Variants in TULP4 observed in about 807,000 individuals in gnomAD.
TULP4 encodes tubby-related protein 4.
TULP4 carries 16 observed loss-of-function variants against 129.0 expected under a neutral mutation model. That is an observed-to-expected ratio of 0.12 (90% CI 0.08 to 0.19). The LOEUF (loss-of-function observed/expected upper bound fraction) is 0.19. Among genes scored for constraint, TULP4 ranks in the 10% least tolerant of loss-of-function variants. TULP4 has a pLI of 1.00. For synonymous variants in TULP4, 998 were observed against 854.0 expected (o/e 1.17, Z -2.94); for missense variants, 1,842 against 2,059.1 (o/e 0.89, Z 2.04).
chr6:158,490,873 C>T (rs1359257083), intron 9 of TULP4, among the ~76,000 whole-genome samples: 4 of 151,832 alleles, frequency 2.6e-5, no homozygotes, highest in Non-Finnish European at 4.4e-5. Flanking sequence ...TTTATTGCTC[C>T]GTGGTATTCC....
intron 1 of TULP4, among the ~76,000 whole-genome samples, chr6:158,322,918 TG>T (rs888211968): frequency 6.6e-6 from 1 of 152,154 alleles, no homozygotes; most frequent in Non-Finnish European, 1.5e-5. Flanking sequence ...AGAGATTGTG[TG>T]GTGAAGATGA....
At chr6:158,365,868 CGTTTTTCTTTTTTT>C (rs1562536735) in intron 1 of TULP4, among the ~76,000 whole-genome samples, 1 of 111,414 alleles carries the variant, frequency 9.0e-6, no homozygotes, top group Non-Finnish European at 1.9e-5. Context: ...AGTTTTGGTT[CGTTTTTCTTTTTTT>C]TTTTTTCTTT....
intron 1 of TULP4, among the ~76,000 whole-genome samples, chr6:158,357,860 G>A (rs1025813129): frequency 1.3e-5 from 2 of 152,072 alleles, no homozygotes; most frequent in African/African-American, 4.8e-5. Flanking sequence ...GTTACGTGTC[G>A]TATTGAGAAA....
chr6:158,249,717 G>A (rs182798626), intron 1 of TULP4, among the ~76,000 whole-genome samples: 5 of 152,306 alleles, frequency 3.3e-5, no homozygotes, highest in African/African-American at 1.2e-4. Context: ...CTCTCATTCA[G>A]TTTTATCTTA....
Position 158,313,919 on chromosome 6 carries a change from A to G in TULP4, c.-98A>G. 6.9e-7 allele frequency: 1 copy of G among 1,443,876 alleles called. No individual in the cohort carries two copies. The highest frequency in any genetic ancestry group is 9.3e-7 in the Non-Finnish European group (1 of 1,079,234). 89.4% of individuals were successfully genotyped at this position (1,443,876 alleles called of 1,614,324 possible). ...AATTAAAGGGGGAAAAAAGCAACGCAAGCCAACCACAAAAACACATATACC... is the reference window on the plus strand; with the variant it reads ...AATTAAAGGGGGAAAAAAGCAACGCGAGCCAACCACAAAAACACATATACC... On this transcript the variant is annotated 5_prime_UTR_variant, in exon 1 of 14. Coordinates refer to ENST00000367097, the MANE Select transcript of TULP4 (RefSeq NM_020245.5).
intron 1 of TULP4, among the ~76,000 whole-genome samples, chr6:158,317,086 AC>A (rs1405830892): frequency 2.0e-5 from 3 of 152,148 alleles, no homozygotes; most frequent in African/African-American, 7.2e-5. Context: ...AATTCTGCCT[AC>A]CACAAAAGAG....
chr6:158,250,243 C>T (rs1392568991), intron 1 of TULP4, among the ~76,000 whole-genome samples: 2 of 151,958 alleles, frequency 1.3e-5, no homozygotes, highest in African/African-American at 2.4e-5. Flanking sequence ...CTGCAGCCTC[C>T]GCCTCCCGAG....
chr6:158,350,641 C>T (rs868125249), intron 1 of TULP4, among the ~76,000 whole-genome samples: 41 of 152,190 alleles, frequency 2.7e-4, no homozygotes, highest in Middle Eastern at 6.8e-3. Context: ...AGGAGAATCA[C>T]GGGAGCCCGA....
chr6:158,487,634 C>G (rs961024629), intron 8 of TULP4, among the ~76,000 whole-genome samples: 1 of 152,244 alleles, frequency 6.6e-6, no homozygotes, highest in Non-Finnish European at 1.5e-5. Context: ...CACAGAATCT[C>G]TAGAAGTATG....
chr6:158,282,339 G>A (rs751565145), exon 1 of TULP4: 1 of 151,976 alleles, frequency 6.6e-6, no homozygotes, highest in Non-Finnish European at 1.5e-5. Flanking sequence ...TGTGGTATAA[G>A]AACTTGAAGG....
chr6:158,308,844 G>A (rs1260375668), upstream of TULP4, among the ~76,000 whole-genome samples: 2 of 138,890 alleles, frequency 1.4e-5, no homozygotes, highest in African/African-American at 2.7e-5. Context: ...GGGCAGAGGC[G>A]CCCCTTACCT....
At position 158,489,932 on chromosome 6, in the gene TULP4, A is replaced by G. The variant is rs373389549; in HGVS notation, c.1631+200A>G. On this transcript the variant is annotated intron_variant, in intron 9 of 13. Transcript: ENST00000367097. ...TCCTTCGGGATAGACAAAGATACCC[A>G]GTAGAAGTTTGCTACACCCTCAGAA... Among the ~76,000 whole-genome samples, 46 of 152,354 alleles carry G rather than the reference A, an allele frequency of 3.0e-4. No homozygotes were observed. In the South Asian group the frequency reaches 9.3e-3, roughly 31 times the overall value.
chr6:158,415,818 G>C (rs539793404), intron 2 of TULP4, among the ~76,000 whole-genome samples: 1 of 152,048 alleles, frequency 6.6e-6, no homozygotes, highest in Non-Finnish European at 1.5e-5. Context: ...GAACTAATGC[G>C]GTAGATGTAT....
chr6:158,365,963 C>T (rs548070944), intron 1 of TULP4, among the ~76,000 whole-genome samples: 7 of 124,912 alleles, frequency 5.6e-5, no homozygotes, highest in South Asian at 2.6e-4. Context: ...AGTGCAGTGG[C>T]GCCATCTCGG....
chr6:158,282,097 T>C (rs1483661767), upstream of TULP4, among the ~76,000 whole-genome samples: 1 of 152,192 alleles, frequency 6.6e-6, no homozygotes, highest in Non-Finnish European at 1.5e-5. Flanking sequence ...TCTTATTTTG[T>C]ATGTGCTTTT....
intron 9 of TULP4, among the ~76,000 whole-genome samples, chr6:158,490,191 A>T (rs1471164319): frequency 6.6e-6 from 1 of 152,146 alleles, no homozygotes; most frequent in Non-Finnish European, 1.5e-5. Flanking sequence ...AAGTCAAGAG[A>T]TCTGGACCAT....
intron 1 of TULP4, among the ~76,000 whole-genome samples, chr6:158,248,724 A>C (rs1279087641): frequency 6.6e-6 from 1 of 152,118 alleles, no homozygotes; most frequent in Non-Finnish European, 1.5e-5. Flanking sequence ...CCTGGGTAAC[A>C]GAGCGAGACC....
chr6:158,270,539 G>A lies in TULP4; in HGVS notation n.68+38236G>A, dbSNP rs140988054. On this transcript the variant is annotated intron_variant and non_coding_transcript_variant, in intron 1 of 1. Transcript: ENST00000620026. ...GGCCTGTGGTGGGCACTCACTAAGTGTCTCTGGTACCGGGGCCGGTGATGG... is the reference window on the plus strand; with the variant it reads ...GGCCTGTGGTGGGCACTCACTAAGTATCTCTGGTACCGGGGCCGGTGATGG... Among the ~76,000 whole-genome samples the A allele has an allele frequency of 1.2e-3, 178 of 152,324 alleles. 2 individuals carry two copies. The South Asian group carries it at 0.028, about 24-fold the overall frequency.
chr6:158,483,513 G>A (rs1312064287), intron 8 of TULP4, among the ~76,000 whole-genome samples: 1 of 152,040 alleles, frequency 6.6e-6, no homozygotes, highest in Non-Finnish European at 1.5e-5. Flanking sequence ...ATTTTTTGTA[G>A]AGACAGGGTT....
Sources: gnomAD v4.1 joint callset for allele counts (sites outside exome capture counted in the v4.1 genomes callset) on GRCh38, gnomAD v4.1.1 for gene constraint, MANE v1.5 for transcripts, NCBI Gene and HGNC (gene_info 2026-07-23, HGNC 2026-07-21) for gene names.